MGLL: variants seen among roughly 807,000 people sequenced by gnomAD.
The protein encoded by MGLL is monoglyceride lipase.
A neutral mutation model predicts 29.1 loss-of-function variants in MGLL; 7 were observed. The ratio of observed to expected loss-of-function variants is 0.24; its 90% confidence interval spans 0.14 to 0.45. MGLL has a LOEUF of 0.45. Among genes scored for constraint, MGLL ranks in the 20% least tolerant of loss-of-function variants. MGLL has a pLI of 0.99. For missense variants in MGLL, 356 were observed against 413.6 expected (o/e 0.86, Z 1.21); for synonymous variants, 148 against 168.3 (o/e 0.88, Z 0.93).
intron 3 of MGLL, among the ~76,000 whole-genome samples, chr3:127,726,189 GAAAA>G (rs1559926417): frequency 5.4e-4 from 57 of 105,796 alleles, no homozygotes; most frequent in Middle Eastern, 4.9e-3. Flanking sequence ...AGAAAGAAAA[GAAAA>G]GAAAGAAAGA....
At position 127,721,166 on chromosome 3, in the gene MGLL, G is replaced by A. The variant is rs375963446; in HGVS notation, c.400-3C>T. 1 of 1,613,574 alleles carries A rather than the reference G, an allele frequency of 6.2e-7. No homozygotes were observed. Among genetic ancestry groups the A allele is most frequent in the African/African-American group, 1.3e-5 (1 of 75,052 alleles). Reference sequence around the variant, plus strand: ...GTGAGGATGGCGATGGCGCCTCCCTGTAATGCAGAATGGGCAGAGCTGCTG... The same window carrying A: ...GTGAGGATGGCGATGGCGCCTCCCTATAATGCAGAATGGGCAGAGCTGCTG... On this transcript the variant is annotated splice_region_variant and splice_polypyrimidine_tract_variant and intron_variant, in intron 4 of 7. Coordinates refer to ENST00000265052, the MANE Select transcript of MGLL (RefSeq NM_007283.7).
intron 3 of MGLL, among the ~76,000 whole-genome samples, chr3:127,753,284 C>T (rs770278835): frequency 1.3e-5 from 2 of 152,166 alleles, no homozygotes; most frequent in South Asian, 2.1e-4. Context: ...CTGCAGGTGT[C>T]GACGATGAAT....
intron 7 of MGLL, among the ~76,000 whole-genome samples, chr3:127,694,674 G>T (rs2075321822): frequency 6.6e-6 from 1 of 152,134 alleles, no homozygotes; most frequent in Admixed American, 6.5e-5. Flanking sequence ...TCTCTCTCAG[G>T]AGATTTTATT....
In MGLL at chr3:127,689,862, T is replaced by A. The variant is rs1309645275; in HGVS notation, c.*2336A>T. The A allele has an allele frequency of 1.3e-5, 2 of 152,240 alleles. No individual in the cohort carries two copies. The highest frequency in any genetic ancestry group is 2.9e-5 in the Non-Finnish European group (2 of 68,046). 9.4% of individuals were successfully genotyped at this position (152,240 alleles called of 1,614,324 possible). On this transcript the variant is annotated 3_prime_UTR_variant, in exon 8 of 8. Transcript: ENST00000265052. ...AGCAGGGGGACATGGTGGGCGGATG[T>A]ACCAGCCCTTCTGGATAACATGACA...
At chr3:127,717,046 G>A (rs2075829732) in intron 5 of MGLL, among the ~76,000 whole-genome samples, 1 of 152,196 alleles carries the variant, frequency 6.6e-6, no homozygotes, top group Non-Finnish European at 1.5e-5. Context: ...GGAATAACAG[G>A]TGTCTAGAAA....
intron 2 of MGLL, among the ~76,000 whole-genome samples, chr3:127,789,733 A>C (rs1362833253): frequency 6.6e-6 from 1 of 152,108 alleles, no homozygotes; most frequent in East Asian, 1.9e-4. Flanking sequence ...AAGAAAGGAA[A>C]GGAAAGAAGG....
In MGLL at chr3:127,694,375, A is replaced by C. The variant is rs569577821; in HGVS notation, c.816+600T>G. ...TATATATGTGTATATATATGTATGT[A>C]TATATATGTGTGTATATATATGTAT... On this transcript the variant is annotated intron_variant, in intron 7 of 7. Coordinates refer to ENST00000265052, the MANE Select transcript of MGLL (RefSeq NM_007283.7). 2.6e-5 allele frequency among the ~76,000 whole-genome samples: 3 copies of C among 116,450 alleles called. No individual in the cohort carries two copies. In the East Asian group the frequency reaches 7.5e-4, roughly 29 times the overall value. 76.4% of individuals were successfully genotyped at this position (116,450 alleles called of 152,430 possible).
chr3:127,723,854 C>A (rs2075982778), intron 3 of MGLL, among the ~76,000 whole-genome samples: 1 of 152,122 alleles, frequency 6.6e-6, no homozygotes, highest in Non-Finnish European at 1.5e-5. Context: ...GAAGCTCTAA[C>A]CCCCAGGATC....
In MGLL at chr3:127,691,567, T is replaced by C. The variant is rs2075243743; in HGVS notation, c.*631A>G. 6.5e-6 allele frequency: 1 copy of C among 154,020 alleles called. No homozygotes were observed. Among genetic ancestry groups the C allele is most frequent in the Admixed American group, 6.4e-5 (1 of 15,644 alleles). The allele number at this position is 154,020 out of a possible 1,614,324, so 9.5% of individuals were successfully genotyped here. ...GCCTTGGTTTCCTGCTCAGTTCTCC[T>C]TCTGGGCTAAGCCTCACCCCCCGCC... On this transcript the variant is annotated 3_prime_UTR_variant, in exon 8 of 8. Coordinates refer to ENST00000265052, the MANE Select transcript of MGLL (RefSeq NM_007283.7).
intron 6 of MGLL, among the ~76,000 whole-genome samples, chr3:127,697,794 C>T (rs1438553339): frequency 6.6e-6 from 1 of 152,214 alleles, no homozygotes; most frequent in Non-Finnish European, 1.5e-5. Context: ...GTCACCCCCT[C>T]TCTTGGTTAA....
intron 2 of MGLL, among the ~76,000 whole-genome samples, chr3:127,805,737 A>C (rs548264621): frequency 6.6e-6 from 1 of 152,354 alleles, no homozygotes; most frequent in East Asian, 1.9e-4. Flanking sequence ...CTGCCACTTA[A>C]TAGCATGTAG....
At chr3:127,794,341 A>C (rs1417823639) in intron 2 of MGLL, among the ~76,000 whole-genome samples, 1 of 152,106 alleles carries the variant, frequency 6.6e-6, no homozygotes, top group East Asian at 1.9e-4. Context: ...GCTACTAAGG[A>C]GGCTGAGGCA....
intron 3 of MGLL, among the ~76,000 whole-genome samples, chr3:127,777,770 G>C (rs1333736820): frequency 1.4e-5 from 2 of 147,744 alleles, no homozygotes; most frequent in Admixed American, 1.4e-4. Context: ...GAATGGATCT[G>C]CTTGAATATA....
At position 127,692,280 on chromosome 3, in the gene MGLL, T is replaced by C; in HGVS notation, c.860A>G (p.Glu287Gly). The part of the protein sequence containing the change: ...AYHVLHKELP[E>G]VTNSVFHEIN... ...TTCATGGAAGACGGAGTTGGTGACT[T>C]CAGGAAGCTCCTTGTGGAGAACATG... is the stretch of plus-strand genomic sequence containing the variant. The change falls in exon 8 of 8, where the codon GAA becomes GGA. Residue 287 changes from glutamate to glycine, a missense_variant. Coordinates refer to ENST00000265052, the MANE Select transcript of MGLL (RefSeq NM_007283.7). 6.2e-7 allele frequency: 1 copy of C among 1,613,978 alleles called. No homozygotes were observed.
chr3:127,808,182 G>A (rs2077602957), intron 2 of MGLL, among the ~76,000 whole-genome samples: 1 of 152,126 alleles, frequency 6.6e-6, no homozygotes, highest in African/African-American at 2.4e-5. Flanking sequence ...TCTTTCAGTT[G>A]TGACAGAAAG....
intron 3 of MGLL, among the ~76,000 whole-genome samples, chr3:127,743,518 T>C (rs2107658002): frequency 6.7e-6 from 1 of 150,206 alleles, no homozygotes; most frequent in South Asian, 2.1e-4. Flanking sequence ...CTGTCCCTTT[T>C]TGCTGCCACT....
chr3:127,774,703 G>T lies in MGLL; in HGVS notation c.262+7086C>A, dbSNP rs147739464. Among the ~76,000 whole-genome samples, 761 of 152,170 alleles carry T rather than the reference G, an allele frequency of 5.0e-3. 6 individuals carry two copies. Among genetic ancestry groups the T allele is most frequent in the African/African-American group, 0.014 (586 of 41,508 alleles). On this transcript the variant is annotated intron_variant, in intron 3 of 7. Transcript: ENST00000265052. ...GGTTTGTTACACACACTCTCTCAGG[G>T]GTCCTCAGCAGCAGCAGCAGCAGCA... is the stretch of plus-strand genomic sequence containing the variant.
At chr3:127,719,149 C>T (rs1202411484) in intron 5 of MGLL, among the ~76,000 whole-genome samples, 1 of 152,234 alleles carries the variant, frequency 6.6e-6, no homozygotes, top group Admixed American at 6.5e-5. Context: ...TGAAAGGTCA[C>T]AGTGGTGGCC....
At chr3:127,720,482 T>G (rs2075897189) in intron 5 of MGLL, among the ~76,000 whole-genome samples, 1 of 152,234 alleles carries the variant, frequency 6.6e-6, no homozygotes. Flanking sequence ...CTAGGTATCA[T>G]TTGTTGGTTC....
Sources: allele counts gnomAD v4.1 joint callset (sites outside exome capture counted in the v4.1 genomes callset), GRCh38; gene constraint gnomAD v4.1.1; transcripts MANE v1.5; gene names NCBI Gene and HGNC (gene_info 2026-07-23, HGNC 2026-07-21).